SMIM14: variants seen among roughly 807,000 people sequenced by gnomAD.
SMIM14 encodes the protein chromosome 4 open reading frame 34.
In SMIM14, 5 loss-of-function variants were observed where a neutral mutation model predicts 12.6. That is an observed-to-expected ratio of 0.40 (90% CI 0.21 to 0.83). The LOEUF is 0.83. SMIM14 is among the 40% of genes least tolerant of loss of function. SMIM14 has a pLI of 0.37. For missense variants in SMIM14, 86 were observed against 119.1 expected (o/e 0.72, Z 1.29); for synonymous variants, 30 against 40.1 (o/e 0.75, Z 0.95).
intron 3 of SMIM14, among the ~76,000 whole-genome samples, chr4:39,571,414 C>CA (rs956094252): frequency 2.0e-5 from 3 of 151,836 alleles, no homozygotes; most frequent in Non-Finnish European, 4.4e-5. Context: ...CGTGACTCTA[C>CA]AAAAAATTCT....
chr4:39,618,148 C>T (rs1176420432), intron 1 of SMIM14, among the ~76,000 whole-genome samples: 1 of 152,132 alleles, frequency 6.6e-6, no homozygotes, highest in Non-Finnish European at 1.5e-5. Flanking sequence ...GTGACATCTA[C>T]TCAAGTCTTG....
At position 39,572,415 on chromosome 4, in the gene SMIM14, A is replaced by G. The variant is rs780134707; in HGVS notation, c.124T>C (p.Leu42=). The G allele has an allele frequency of 1.2e-6, 2 of 1,605,390 alleles. No homozygotes were observed. Among genetic ancestry groups the G allele is most frequent in the Non-Finnish European group, 8.5e-7 (1 of 1,176,330 alleles). The change falls in exon 3 of 5, where the codon TTA becomes CTA. Residue 42 remains leucine, a splice_region_variant and synonymous_variant. Coordinates refer to ENST00000295958, the MANE Select transcript of SMIM14 (RefSeq NM_174921.3). ...YCTDTECLQE[L]PGPSGDNGIS... ...TTCCTCCTGTCTCAGTGGTACTTAC[A>G]TTCCTGAAGACACTCTGTGTCTGTG... is the stretch of plus-strand genomic sequence containing the variant.
At chr4:39,599,411 T>A (rs1303692082) in intron 2 of SMIM14, among the ~76,000 whole-genome samples, 1 of 151,972 alleles carries the variant, frequency 6.6e-6, no homozygotes, top group Non-Finnish European at 1.5e-5. Context: ...CTAAAATGGA[T>A]CACTTCAACT....
intron 3 of SMIM14, among the ~76,000 whole-genome samples, 181 bp from the exon 4 acceptor site, chr4:39,556,751 G>T (rs76776942): frequency 0.012 from 1,851 of 152,240 alleles, 41 homozygotes; most frequent in African/African-American, 0.042. Flanking sequence ...AAAAGTAAAT[G>T]ATGTTAAATA....
At chr4:39,554,641 C>A (rs1578306328) in intron 4 of SMIM14, among the ~76,000 whole-genome samples, 1 of 136,270 alleles carries the variant, frequency 7.3e-6, no homozygotes, top group Admixed American at 7.7e-5. Context: ...GCAAATCTAT[C>A]ATGGAAATTT....
intron 1 of SMIM14, among the ~76,000 whole-genome samples, chr4:39,611,355 A>T (rs1715023588): frequency 6.6e-6 from 1 of 152,094 alleles, no homozygotes; most frequent in Admixed American, 6.6e-5. Flanking sequence ...AAAATACAAA[A>T]ATTAGCTGGG....
intron 2 of SMIM14, among the ~76,000 whole-genome samples, chr4:39,592,267 C>CTT (rs34640338): frequency 0.01 from 1,326 of 131,602 alleles, 19 homozygotes; most frequent in African/African-American, 0.033. Context: ...TCATTTGCCT[C>CTT]TTTTTTTTTT....
intron 4 of SMIM14, among the ~76,000 whole-genome samples, chr4:39,556,069 G>A (rs950586784): frequency 2.0e-5 from 3 of 151,986 alleles, no homozygotes; most frequent in African/African-American, 4.8e-5. Context: ...AACTACTTGG[G>A]AGGCTGAGGT....
In SMIM14 at chr4:39,589,385, C is replaced by T. The variant is rs376475238; in HGVS notation, c.75+15686G>A. Among the ~76,000 whole-genome samples the T allele has an allele frequency of 5.9e-4, 90 of 152,300 alleles. 1 individual carries two copies. The South Asian group carries it at 0.018, about 30-fold the overall frequency. ...TACAGGCATGAGCCACTGCACCTGG[C>T]CCAGAAACAAATTTCAGTGAAGATG... On this transcript the variant is annotated intron_variant, in intron 2 of 4. Transcript: ENST00000295958.
In SMIM14 at chr4:39,636,716, C is replaced by G. The variant is rs545325891; in HGVS notation, c.-36+2023G>C. 4.7e-4 allele frequency among the ~76,000 whole-genome samples: 72 copies of G among 152,194 alleles called. No individual in the cohort carries two copies. The South Asian group carries it at 5.4e-3, about 11-fold the overall frequency. On this transcript the variant is annotated intron_variant, in intron 1 of 4. Coordinates refer to ENST00000295958, the MANE Select transcript of SMIM14 (RefSeq NM_174921.3). The stretch of plus-strand genomic sequence containing the variant: ...TAAAAAATTATAAAACAACCCCCCC[C>G]CAGTGGATGCCTAAAGCCCATATAG...
intron 1 of SMIM14, among the ~76,000 whole-genome samples, chr4:39,618,051 G>A (rs1203507376): frequency 6.6e-6 from 1 of 152,136 alleles, no homozygotes; most frequent in Non-Finnish European, 1.5e-5. Flanking sequence ...AGAGAGGAGA[G>A]AAGTAAGAGA....
chr4:39,607,714 T>C (rs1170364673), intron 1 of SMIM14, among the ~76,000 whole-genome samples: 1 of 152,290 alleles, frequency 6.6e-6, no homozygotes, highest in Non-Finnish European at 1.5e-5. Flanking sequence ...TACAAACTGA[T>C]AAATGCTATA....
chr4:39,609,774 G>A (rs368233521), intron 1 of SMIM14, among the ~76,000 whole-genome samples: 4 of 152,278 alleles, frequency 2.6e-5, no homozygotes, highest in East Asian at 1.9e-4. Flanking sequence ...TCAGCTGCAC[G>A]ATAGAAAACT....
intron 2 of SMIM14, among the ~76,000 whole-genome samples, chr4:39,575,557 G>C (rs1003423697): frequency 6.6e-6 from 1 of 151,558 alleles, no homozygotes; most frequent in Non-Finnish European, 1.5e-5. Context: ...TGAAAGGAGT[G>C]AATCAAAAAA....
intron 2 of SMIM14, among the ~76,000 whole-genome samples, chr4:39,576,644 A>ATGTG (rs1560289566): frequency 3.1e-5 from 3 of 96,768 alleles, no homozygotes; most frequent in Admixed American, 1.5e-4. Flanking sequence ...ACTTATACCT[A>ATGTG]TGTGTGTGTG....
intron 1 of SMIM14, among the ~76,000 whole-genome samples, chr4:39,610,477 A>C (rs1433757708): frequency 6.6e-6 from 1 of 152,044 alleles, no homozygotes; most frequent in Non-Finnish European, 1.5e-5. Context: ...ACTGTGACAC[A>C]TACATAAAGC....
At chr4:39,592,570 G>C (rs1065222) in intron 2 of SMIM14, 1 of 152,100 alleles carries the variant, frequency 6.6e-6, no homozygotes, top group Admixed American at 6.5e-5. Context: ...ATAAATCAAG[G>C]TAATGAGAAG....
At chr4:39,622,995 G>A (rs898437615) in intron 1 of SMIM14, among the ~76,000 whole-genome samples, 1 of 152,068 alleles carries the variant, frequency 6.6e-6, no homozygotes, top group Non-Finnish European at 1.5e-5. Context: ...ACAAAATTAA[G>A]AGATACCAAT....
intron 1 of SMIM14, among the ~76,000 whole-genome samples, chr4:39,618,062 G>A (rs1715287763): frequency 6.6e-6 from 1 of 152,102 alleles, no homozygotes; most frequent in African/African-American, 2.4e-5. Flanking sequence ...AAGTAAGAGA[G>A]AATATTACTC....
Sources: allele counts gnomAD v4.1 joint callset (sites outside exome capture counted in the v4.1 genomes callset), GRCh38; gene constraint gnomAD v4.1.1; transcripts MANE v1.5; gene names NCBI Gene and HGNC (gene_info 2026-07-23, HGNC 2026-07-21).